The following FGF10 variants were observed in gnomAD, a reference collection of about 807,000 sequenced individuals.
The protein encoded by FGF10 is fibroblast growth factor 10, also known as FGF-10.
Under a neutral mutation model 19.8 loss-of-function variants are expected in FGF10, and 2 were observed. That is an observed-to-expected ratio of 0.10 (90% CI 0.04 to 0.32). The LOEUF is 0.32. Among genes scored for constraint, FGF10 ranks in the 10% least tolerant of loss-of-function variants. The pLI is 1.00. For synonymous variants in FGF10, 112 were observed against 94.0 expected, an observed-to-expected ratio of 1.19 and a Z score of -1.10; for missense variants, 191 against 246.3, an observed-to-expected ratio of 0.78 and a Z score of 1.50.
chr5:44,332,239 G>A (rs1287074312), intron 1 of FGF10, among the ~76,000 whole-genome samples: 1 of 152,076 alleles, frequency 6.6e-6, no homozygotes, highest in African/African-American at 2.4e-5. Context: ...TAATGTCTAG[G>A]AGTTTCCTTC....
At position 44,300,321 on chromosome 5, in the gene FGF10, G is replaced by A. The variant is rs565984995; in HGVS notation, c.*4674C>T. Among the ~76,000 whole-genome samples, 13 of 151,662 alleles carry A rather than the reference G, an allele frequency of 8.6e-5. No individual in the cohort carries two copies. The highest frequency in any genetic ancestry group is 4.2e-4 in the South Asian group (2 of 4,800). On this transcript the variant is annotated 3_prime_UTR_variant, in exon 3 of 3. Transcript: ENST00000264664. Reference sequence around the variant, plus strand: ...GGGTTTCAGATTTTTTCTATATGTCGATACACTTGAAAATACTAGCACATA... The same window carrying A: ...GGGTTTCAGATTTTTTCTATATGTCAATACACTTGAAAATACTAGCACATA...
At chr5:44,369,654 G>T (rs966935779) in intron 1 of FGF10, among the ~76,000 whole-genome samples, 1 of 151,966 alleles carries the variant, frequency 6.6e-6, no homozygotes, top group African/African-American at 2.4e-5. Flanking sequence ...TAGCACACAC[G>T]CACTCAGACA....
At chr5:44,325,268 C>T (rs1484242777) in intron 1 of FGF10, among the ~76,000 whole-genome samples, 1 of 152,030 alleles carries the variant, frequency 6.6e-6, no homozygotes. Flanking sequence ...GAAATAGGAA[C>T]ACTTTTACAC....
chr5:44,388,535 T>A lies in FGF10; in HGVS notation c.148A>T (p.Thr50Ser), dbSNP rs144567587. ...GAGAAGGAGGAGGAAGAAGAGTTGGTGGCCTCTGGTGACACCATGTCCTGA... is the reference window on the plus strand; with the variant it reads ...GAGAAGGAGGAGGAAGAAGAGTTGGAGGCCTCTGGTGACACCATGTCCTGA... ...LGQDMVSPEATNSSSSSFSSP... is the reference protein window; with the variant it reads ...LGQDMVSPEASNSSSSSFSSP... Residue 50 changes from threonine to serine, a missense_variant, in exon 1 of 3, where the codon ACC becomes TCC. Physicochemically the swap from Thr to Ser is moderately conservative, Grantham distance 58 (BLOSUM62 1). Transcript: ENST00000264664. 4 of 1,613,974 alleles carry A rather than the reference T, an allele frequency of 2.5e-6. No individual in the cohort carries two copies. The highest frequency in any genetic ancestry group is 1.6e-4 in the Middle Eastern group (1 of 6,078).
chr5:44,314,684 T>A (rs1242948330), intron 1 of FGF10, among the ~76,000 whole-genome samples: 2 of 152,134 alleles, frequency 1.3e-5, no homozygotes, highest in Non-Finnish European at 2.9e-5. Flanking sequence ...GACTAAATAG[T>A]TAATCTGAGA....
rs1473368724 is a variant in FGF10, at chr5:44,389,066, A to T, written c.-384T>A. On this transcript the variant is annotated 5_prime_UTR_variant, in exon 1 of 3. Coordinates refer to ENST00000264664, the MANE Select transcript of FGF10 (RefSeq NM_004465.2). ...TAGATGCCAAAAAGGTCTGAAAAAC[A>T]GATGACAGCACGGTGAACAAAACCC... 4 of 342,184 alleles carry T rather than the reference A, an allele frequency of 1.2e-5. No homozygotes were observed. Among genetic ancestry groups the T allele is most frequent in the Admixed American group, 3.8e-5 (1 of 26,070 alleles). The allele number at this position is 342,184 out of a possible 1,614,324, so 21.2% of individuals were successfully genotyped here.
chr5:44,348,687 A>C (rs996935), intron 1 of FGF10, among the ~76,000 whole-genome samples: 99,960 of 151,262 alleles, frequency 0.66, 33,237 homozygotes, highest in South Asian at 0.71. Context: ...TTTTATTTTA[A>C]GTGTATTTAT....
intron 1 of FGF10, among the ~76,000 whole-genome samples, chr5:44,338,840 C>T (rs1182474894): frequency 3.3e-5 from 5 of 151,900 alleles, no homozygotes; most frequent in Non-Finnish European, 7.4e-5. Context: ...TGTTATTGAG[C>T]GAGGAATGTA....
In FGF10 at chr5:44,304,940, C is replaced by T. The variant is rs1471549388; in HGVS notation, c.*55G>A. ...CTACTGTCTTCATGAAGAATATCCA[C>T]TATTCTTGGCAAAAGAGCCATTGGT... On this transcript the variant is annotated 3_prime_UTR_variant, in exon 3 of 3. Transcript: ENST00000264664. The T allele has an allele frequency of 6.7e-7, 1 of 1,500,222 alleles. No homozygotes were observed. The highest frequency in any genetic ancestry group is 1.4e-5 in the African/African-American group (1 of 72,538). 92.9% of individuals were successfully genotyped at this position (1,500,222 alleles called of 1,614,324 possible).
chr5:44,322,407 G>C (rs986181657), intron 1 of FGF10, among the ~76,000 whole-genome samples: 1 of 152,016 alleles, frequency 6.6e-6, no homozygotes, highest in Admixed American at 6.6e-5. Context: ...GCTGAGCCAG[G>C]GCCTTCTTTC....
intron 1 of FGF10, among the ~76,000 whole-genome samples, chr5:44,337,202 A>G (rs1740873105): frequency 1.3e-5 from 2 of 152,148 alleles, no homozygotes; most frequent in Admixed American, 6.5e-5. Flanking sequence ...AAAAAGTAGC[A>G]TAACTCTGAT....
At chr5:44,354,567 C>A (rs1001880419) in intron 1 of FGF10, among the ~76,000 whole-genome samples, 10 of 151,508 alleles carry the variant, frequency 6.6e-5, no homozygotes, top group African/African-American at 2.4e-4. Flanking sequence ...ATAAGCATCA[C>A]CGCGCAGATG....
In FGF10 at chr5:44,328,181, T is replaced by C. The variant is rs559586269; in HGVS notation, c.326-17651A>G. On this transcript the variant is annotated intron_variant, in intron 1 of 2. Transcript: ENST00000264664. The stretch of plus-strand genomic sequence containing the variant: ...TGCTCATTAGAATCAACAGTTTTCT[T>C]TTGTTCAGTTGCCCTTGCTGGCTAA... 1.2e-3 allele frequency among the ~76,000 whole-genome samples: 178 copies of C among 152,318 alleles called. 1 individual carries two copies. Among genetic ancestry groups the C allele is most frequent in the African/African-American group, 4.2e-3 (175 of 41,578 alleles).
At chr5:44,374,195 C>T (rs975920541) in intron 1 of FGF10, among the ~76,000 whole-genome samples, 1 of 152,088 alleles carries the variant, frequency 6.6e-6, no homozygotes, top group Non-Finnish European at 1.5e-5. Flanking sequence ...ATCTTTAAAT[C>T]TTTCTGTTTC....
intron 2 of FGF10, among the ~76,000 whole-genome samples, chr5:44,306,395 T>A (rs962138051): frequency 6.6e-6 from 1 of 152,204 alleles, no homozygotes; most frequent in African/African-American, 2.4e-5. Context: ...AGACTCCGTC[T>A]CAAAACAAAA....
chr5:44,358,709 C>T (rs186604698), intron 1 of FGF10, among the ~76,000 whole-genome samples: 4 of 151,618 alleles, frequency 2.6e-5, no homozygotes, highest in African/African-American at 9.6e-5. Context: ...TAACAGCTAG[C>T]TCACCCCAGG....
chr5:44,323,327 T>C (rs1457245856), intron 1 of FGF10, among the ~76,000 whole-genome samples: 1 of 152,168 alleles, frequency 6.6e-6, no homozygotes, highest in African/African-American at 2.4e-5. Context: ...AGAAAGTACT[T>C]TCATAGAAAT....
intron 1 of FGF10, among the ~76,000 whole-genome samples, chr5:44,382,589 A>G (rs1260778873): frequency 6.6e-6 from 1 of 152,150 alleles, no homozygotes; most frequent in East Asian, 1.9e-4. Context: ...AGTGCCGATT[A>G]CAAAATAATG....
In FGF10 at chr5:44,305,134, G is replaced by A. The variant is rs1206827871; in HGVS notation, c.488C>T (p.Thr163Ile). The stretch of plus-strand genomic sequence containing the variant: ...ATGCTGCCAGTTAAATGATGCATAG[G>A]TATTGTATCCATTTTCCTCTATCCT... ...KERIEENGYN[T>I]YASFNWQHNG... The change falls in exon 3 of 3, where the codon ACC becomes ATC. Residue 163 changes from threonine to isoleucine, a missense_variant. This residue lies in a region of FGF10 where 99 missense variants were observed against 161.7 expected (regional missense o/e 0.61). Transcript: ENST00000264664. 6.2e-7 allele frequency: 1 copy of A among 1,613,818 alleles called. No homozygotes were observed.
Sources: allele counts gnomAD v4.1 joint callset (sites outside exome capture counted in the v4.1 genomes callset), GRCh38; gene constraint gnomAD v4.1.1; regional missense constraint gnomAD v4.1.1; transcripts MANE v1.5; gene names NCBI Gene and HGNC (gene_info 2026-07-23, HGNC 2026-07-21).